The following SERGEF variants were observed in gnomAD, a reference collection of about 807,000 sequenced individuals.
The protein encoded by SERGEF is secretion-regulating guanine nucleotide exchange factor.
SERGEF carries 51 observed loss-of-function variants against 50.0 expected under a neutral mutation model. The observed-to-expected ratio is 1.02, with a 90% confidence interval of 0.81 to 1.29. The LOEUF is 1.29. Among genes scored for constraint, SERGEF ranks in the 50% most tolerant of loss-of-function variants. SERGEF has a pLI of 0.00. For synonymous variants in SERGEF, 205 were observed against 212.4 expected, an observed-to-expected ratio of 0.97 and a Z score of 0.30; for missense variants, 521 against 557.0, an observed-to-expected ratio of 0.94 and a Z score of 0.65.
intron 10 of SERGEF, among the ~76,000 whole-genome samples, chr11:17,861,162 G>A (rs1334035318): frequency 1.3e-5 from 2 of 152,212 alleles, no homozygotes; most frequent in African/African-American, 2.4e-5. Context: ...ATGACAAAGA[G>A]GGCCATATGG....
At chr11:17,963,447 G>C (rs1038061677) in intron 8 of SERGEF, among the ~76,000 whole-genome samples, 1 of 149,386 alleles carries the variant, frequency 6.7e-6, no homozygotes, top group Non-Finnish European at 1.5e-5. Flanking sequence ...GAGTGCAGTG[G>C]CATGATCTTG....
rs1250033579 is a variant in SERGEF, at chr11:17,999,521, G to A, written c.508+976C>T. ...CCTCTCTCCTTCCTCCACTCCACAA[G>A]TGGACTCACGAAGCACCTGAGCCTC... On this transcript the variant is annotated intron_variant, in intron 5 of 10. Transcript: ENST00000265965. The A allele has an allele frequency of 6.6e-6, 3 of 454,414 alleles. No homozygotes were observed. In the Admixed American group the frequency reaches 7.1e-5, roughly 11 times the overall value. The allele number at this position is 454,414 out of a possible 1,614,324, so 28.1% of individuals were successfully genotyped here.
intron 6 of SERGEF, among the ~76,000 whole-genome samples, chr11:17,993,618 G>A (rs1853766727): frequency 6.6e-6 from 1 of 152,220 alleles, no homozygotes; most frequent in African/African-American, 2.4e-5. Context: ...ATGCAGTCTA[G>A]CATGCAGATA....
intron 9 of SERGEF, among the ~76,000 whole-genome samples, chr11:17,894,308 A>T (rs995614027): frequency 1.3e-5 from 2 of 152,188 alleles, no homozygotes; most frequent in Non-Finnish European, 2.9e-5. Flanking sequence ...AAAGGAAAAG[A>T]ATTACATTTA....
intron 10 of SERGEF, among the ~76,000 whole-genome samples, chr11:17,859,417 G>A (rs1289671941): frequency 6.6e-6 from 1 of 151,934 alleles, no homozygotes; most frequent in Non-Finnish European, 1.5e-5. Context: ...GTAAAAACAT[G>A]CCCAAGAGGA....
intron 9 of SERGEF, among the ~76,000 whole-genome samples, chr11:17,880,552 T>C (rs1851317873): frequency 6.6e-6 from 1 of 152,188 alleles, no homozygotes; most frequent in Admixed American, 6.5e-5. Context: ...AAAGCATGAA[T>C]AAGAATGGAA....
chr11:17,819,607 C>CAA (rs1218091451), intron 10 of SERGEF, among the ~76,000 whole-genome samples: 2 of 152,174 alleles, frequency 1.3e-5, no homozygotes, highest in Non-Finnish European at 2.9e-5. Flanking sequence ...GGTGCAGGAC[C>CAA]AAAACATGTT....
At chr11:17,857,542 C>G (rs1423858965) in intron 10 of SERGEF, among the ~76,000 whole-genome samples, 2 of 152,196 alleles carry the variant, frequency 1.3e-5, no homozygotes, top group Non-Finnish European at 2.9e-5. Flanking sequence ...CTATGTAATG[C>G]CATTTGGTGA....
chr11:17,854,849 G>A (rs1319558782), intron 10 of SERGEF: 1 of 152,224 alleles, frequency 6.6e-6, no homozygotes, highest in Non-Finnish European at 1.5e-5. Context: ...AGGATGTGGA[G>A]CTATAGAAAT....
At chr11:17,854,256 C>T (rs967155711) in intron 10 of SERGEF, among the ~76,000 whole-genome samples, 3 of 152,146 alleles carry the variant, frequency 2.0e-5, no homozygotes, top group Non-Finnish European at 2.9e-5. Context: ...ACCAACTCCC[C>T]GACTTCTCTA....
chr11:17,905,107 G>T (rs1365286273), intron 9 of SERGEF, among the ~76,000 whole-genome samples: 1 of 152,168 alleles, frequency 6.6e-6, no homozygotes, highest in Non-Finnish European at 1.5e-5. Context: ...CATTTCAGTT[G>T]TAACATCAAT....
intron 8 of SERGEF, among the ~76,000 whole-genome samples, chr11:17,980,606 T>A (rs1274584392): frequency 6.6e-6 from 1 of 152,236 alleles, no homozygotes; most frequent in Non-Finnish European, 1.5e-5. Context: ...TTCAACAAAT[T>A]AGAAGTTACA....
chr11:17,862,769 G>C (rs1850949122), intron 10 of SERGEF, among the ~76,000 whole-genome samples: 1 of 152,216 alleles, frequency 6.6e-6, no homozygotes. Context: ...GGAAGCTAGT[G>C]CCTGTCTAAG....
intron 10 of SERGEF, among the ~76,000 whole-genome samples, chr11:17,802,278 A>AG (rs1439648193): frequency 6.6e-6 from 1 of 152,174 alleles, no homozygotes; most frequent in Non-Finnish European, 1.5e-5. Flanking sequence ...AAAGACCCTT[A>AG]AACATTGGTT....
chr11:17,910,424 A>T (rs1851930548), intron 9 of SERGEF, among the ~76,000 whole-genome samples: 1 of 147,422 alleles, frequency 6.8e-6, no homozygotes, highest in Non-Finnish European at 1.5e-5. Context: ...AATTAAAAAA[A>T]ATTTTTTTAT....
intron 9 of SERGEF, among the ~76,000 whole-genome samples, chr11:17,904,740 T>C (rs571247541): frequency 1.3e-5 from 2 of 152,332 alleles, no homozygotes; most frequent in South Asian, 2.1e-4. Context: ...TGCAAACAGA[T>C]ATAACCTTCC....
At chr11:17,811,608 A>C (rs1414038479) in intron 10 of SERGEF, among the ~76,000 whole-genome samples, 1 of 152,236 alleles carries the variant, frequency 6.6e-6, no homozygotes, top group Non-Finnish European at 1.5e-5. Context: ...GAGAGGTTTG[A>C]CAAAGAATTC....
intron 10 of SERGEF, among the ~76,000 whole-genome samples, chr11:17,790,070 G>A (rs530142794): frequency 4.6e-5 from 7 of 151,948 alleles, no homozygotes; most frequent in Admixed American, 2.6e-4. Context: ...ATAGAAAGAC[G>A]CAGATCTCCA....
At chr11:17,985,554 C>G (rs1417349383) in intron 8 of SERGEF, among the ~76,000 whole-genome samples, 2 of 152,206 alleles carry the variant, frequency 1.3e-5, no homozygotes, top group Admixed American at 6.5e-5. Flanking sequence ...TGATCGGGAA[C>G]ATTAAGCAGC....
Sources: allele counts gnomAD v4.1 joint callset (sites outside exome capture counted in the v4.1 genomes callset), GRCh38; gene constraint gnomAD v4.1.1; transcripts MANE v1.5; gene names NCBI Gene and HGNC (gene_info 2026-07-23, HGNC 2026-07-21).